The following STAC variants were observed in gnomAD, a reference collection of about 807,000 sequenced individuals.
STAC encodes SH3 and cysteine rich domain.
In STAC, 43 loss-of-function variants were observed where a neutral mutation model predicts 48.8. The ratio of observed to expected loss-of-function variants is 0.88; its 90% CI spans 0.69 to 1.14. The LOEUF (loss-of-function observed/expected upper bound fraction) is 1.14, where lower values mean the gene tolerates loss of function less well. Ranked by LOEUF, STAC falls within the 50% of genes most tolerant of loss-of-function variation. STAC has a pLI of 0.00. For missense variants in STAC, 497 were observed against 504.0 expected (o/e 0.99, Z 0.13); for synonymous variants, 193 against 179.5 (o/e 1.07, Z -0.60).
chr3:36,404,011 T>TA (rs1456661977), intron 1 of STAC, among the ~76,000 whole-genome samples: 2 of 152,194 alleles, frequency 1.3e-5, no homozygotes, highest in African/African-American at 4.8e-5. Flanking sequence ...CTCTGTATGC[T>TA]ACAAGCTCAA....
chr3:36,398,357 A>AAAGAAAGAG (rs1699906019), intron 1 of STAC, among the ~76,000 whole-genome samples: 2 of 141,396 alleles, frequency 1.4e-5, no homozygotes, highest in Non-Finnish European at 3.2e-5. Context: ...GAAAGAAAGA[A>AAAGAAAGAG]AGAAAGAAAG....
intron 2 of STAC, among the ~76,000 whole-genome samples, chr3:36,455,841 A>C (rs1267878969): frequency 6.6e-6 from 1 of 152,044 alleles, no homozygotes; most frequent in African/African-American, 2.4e-5. Flanking sequence ...ATATGGTTAA[A>C]TCCTGTTAAA....
chr3:36,434,149 T>A (rs190946872), intron 1 of STAC, among the ~76,000 whole-genome samples: 1 of 152,208 alleles, frequency 6.6e-6, no homozygotes, highest in African/African-American at 2.4e-5. Flanking sequence ...AACTACACCA[T>A]CAGCCAAACT....
At chr3:36,525,798 C>T (rs1198068708) in intron 8 of STAC, among the ~76,000 whole-genome samples, 6 of 152,204 alleles carry the variant, frequency 3.9e-5, no homozygotes, top group Admixed American at 2.6e-4. Flanking sequence ...GAAACTGTGA[C>T]TGTTGAAATA....
intron 5 of STAC, among the ~76,000 whole-genome samples, chr3:36,490,774 G>A (rs1457831878): frequency 6.6e-6 from 1 of 152,166 alleles, no homozygotes; most frequent in Non-Finnish European, 1.5e-5. Context: ...ACCACCAGAG[G>A]GACAATTGGG....
chr3:36,465,068 A>G (rs961302027), intron 2 of STAC, among the ~76,000 whole-genome samples: 1 of 152,198 alleles, frequency 6.6e-6, no homozygotes, highest in Non-Finnish European at 1.5e-5. Context: ...GTACTCATTT[A>G]CATTCCTACC....
intron 2 of STAC, among the ~76,000 whole-genome samples, chr3:36,477,657 G>A (rs1442449797): frequency 2.0e-5 from 3 of 152,254 alleles, no homozygotes; most frequent in East Asian, 1.9e-4. Flanking sequence ...GCTCATAAAA[G>A]AGCCCACTGC....
At chr3:36,484,731 G>T (rs557663253) in intron 3 of STAC, among the ~76,000 whole-genome samples, 14 of 152,334 alleles carry the variant, frequency 9.2e-5, no homozygotes, top group African/African-American at 3.4e-4. Flanking sequence ...GGACAGACAC[G>T]ACTGGGGAGG....
chr3:36,440,360 A>G (rs1696309461), intron 1 of STAC, among the ~76,000 whole-genome samples: 1 of 152,094 alleles, frequency 6.6e-6, no homozygotes, highest in Non-Finnish European at 1.5e-5. Flanking sequence ...TGGGTTGACA[A>G]TTTGACAAGG....
At chr3:36,522,444 T>C (rs1187566553) in intron 8 of STAC, among the ~76,000 whole-genome samples, 4 of 152,246 alleles carry the variant, frequency 2.6e-5, no homozygotes, top group East Asian at 3.9e-4. Context: ...AAAATATTGA[T>C]GGGGTAAGTG....
rs141518066 is a variant in STAC, at chr3:36,505,812, G to C, written c.898G>C (p.Glu300Gln). ...YVALYKFVPQ[E>Q]NEDLEMRPGD... is the part of the protein sequence containing the mutation. ...TGCCTTGTACAAATTTGTACCACAGGAGAATGAAGATTTGGAAATGAGGTA... is the reference window on the plus strand; with the variant it reads ...TGCCTTGTACAAATTTGTACCACAGCAGAATGAAGATTTGGAAATGAGGTA... The change falls in exon 8 of 11, where the codon GAG becomes CAG. Residue 300 changes from glutamate to glutamine, a missense_variant. Coordinates refer to ENST00000273183, the MANE Select transcript of STAC (RefSeq NM_003149.3). The C allele has an allele frequency of 6.2e-7, 1 of 1,605,600 alleles. No homozygotes were observed. Among genetic ancestry groups the C allele is most frequent in the South Asian group, 1.1e-5 (1 of 89,368 alleles).
At chr3:36,534,209 A>C (rs1157426145) in intron 10 of STAC, among the ~76,000 whole-genome samples, 2 of 152,176 alleles carry the variant, frequency 1.3e-5, no homozygotes, top group Non-Finnish European at 2.9e-5. Context: ...CTGAATGTCA[A>C]CCTTCTCATC....
chr3:36,425,647 G>C (rs535464630), intron 1 of STAC, among the ~76,000 whole-genome samples: 2 of 152,270 alleles, frequency 1.3e-5, no homozygotes, highest in African/African-American at 4.8e-5. Flanking sequence ...GTTAAGCAGG[G>C]GAAGCTGGAT....
chr3:36,443,515 C>T lies in STAC; in HGVS notation c.263C>T (p.Ala88Val). Residue 88 changes from alanine to valine, a missense_variant, in exon 2 of 11, where the codon GCT (alanine) becomes GTT (valine). Physicochemically the swap from Ala to Val is moderately conservative, Grantham distance 64 (BLOSUM62 0). Transcript: ENST00000273183. This position sits in a 1 kb window ranked among gnomAD's most constrained non-coding sequence, Gnocchi z 4.2. ...AGCCCCAGCTCCAGCCCACTCCCTG[C>T]TCCAGGAAGCCTGACGTCCACACCC... ...EISPSSSPLP[A>V]PGSLTSTPAR... 1 of 1,614,242 alleles carries T rather than the reference C, an allele frequency of 6.2e-7. No individual in the cohort carries two copies. The highest frequency in any genetic ancestry group is 2.2e-5 in the East Asian group (1 of 44,870).
At chr3:36,506,046 T>G in intron 8 of STAC, 2 of 395,074 alleles carry the variant, frequency 5.1e-6, no homozygotes, top group South Asian at 5.0e-5. Context: ...GCCTCAGAAG[T>G]TGCATTCCTA....
chr3:36,391,332 C>T (rs1186595940), intron 1 of STAC, among the ~76,000 whole-genome samples: 1 of 152,154 alleles, frequency 6.6e-6, no homozygotes, highest in Non-Finnish European at 1.5e-5. Context: ...TGTTTTTCAC[C>T]CGCAGCCCTT....
intron 2 of STAC, among the ~76,000 whole-genome samples, chr3:36,472,114 A>G (rs577494707): frequency 6.6e-6 from 1 of 152,336 alleles, no homozygotes; most frequent in Admixed American, 6.5e-5. Flanking sequence ...GGAGGTTCCC[A>G]AACCTCAGTT....
Position 36,546,261 on chromosome 3 carries a change from T to A in STAC, c.1181T>A (p.Ile394Asn), listed in dbSNP as rs934179899. 1 of 1,613,894 alleles carries A rather than the reference T, an allele frequency of 6.2e-7. No homozygotes were observed. ...RVLSGKKKGL[I>N]PLDVLENI Reference sequence around the variant, plus strand: ...CTCAGTGGAAAAAAGAAAGGCCTCATCCCCCTTGATGTACTAGAAAACATC... The same window carrying A: ...CTCAGTGGAAAAAAGAAAGGCCTCAACCCCCTTGATGTACTAGAAAACATC... The change falls in exon 11 of 11, where the codon ATC becomes AAC. Residue 394 changes from isoleucine to asparagine, a missense_variant. Physicochemically the swap from Ile to Asn is moderately radical, Grantham distance 149. Transcript: ENST00000273183.
intron 8 of STAC, among the ~76,000 whole-genome samples, chr3:36,523,270 T>C (rs986880228): frequency 2.0e-5 from 3 of 152,214 alleles, no homozygotes; most frequent in African/African-American, 4.8e-5. Flanking sequence ...TATAACTAAC[T>C]TGCAAATCTT....
Sources: gnomAD v4.1 joint callset for allele counts (sites outside exome capture counted in the v4.1 genomes callset) on GRCh38, gnomAD v4.1.1 for gene constraint, Gnocchi (gnomAD v3.1) non-coding constraint, MANE v1.5 for transcripts, NCBI Gene and HGNC (gene_info 2026-07-23, HGNC 2026-07-21) for gene names.